The following EYA4 variants were observed in gnomAD, a reference collection of about 807,000 sequenced individuals.
EYA4 encodes the protein EYA transcriptional coactivator and phosphatase 4.
A neutral mutation model predicts 87.9 loss-of-function variants in EYA4; 31 were observed. That is an observed-to-expected ratio of 0.35 (90% CI 0.27 to 0.48). The LOEUF (loss-of-function observed/expected upper bound fraction) is 0.48. EYA4 is among the 20% of genes least tolerant of loss of function. EYA4 has a pLI of 0.99. For synonymous variants in EYA4, 263 were observed against 270.6 expected, an observed-to-expected ratio of 0.97 and a Z score of 0.28; for missense variants, 678 against 761.4, an observed-to-expected ratio of 0.89 and a Z score of 1.29.
chr6:133,332,843 T>C (rs1429822246), intron 2 of EYA4, among the ~76,000 whole-genome samples: 1 of 151,486 alleles, frequency 6.6e-6, no homozygotes, highest in East Asian at 1.9e-4. Flanking sequence ...ATTACAGGCA[T>C]GAACCACCGC....
chr6:133,392,666 T>G (rs1787404108), intron 3 of EYA4, among the ~76,000 whole-genome samples: 1 of 152,210 alleles, frequency 6.6e-6, no homozygotes, highest in South Asian at 2.1e-4. Flanking sequence ...TTCTTTTGAT[T>G]TAAGAACAAA....
intron 2 of EYA4, among the ~76,000 whole-genome samples, chr6:133,284,903 A>G (rs184080409): frequency 1.3e-5 from 2 of 152,302 alleles, no homozygotes; most frequent in Non-Finnish European, 2.9e-5. Flanking sequence ...AATAAGTGCA[A>G]GGAGAAAAAC....
chr6:133,281,333 T>C (rs1276528178), intron 2 of EYA4, among the ~76,000 whole-genome samples: 1 of 152,192 alleles, frequency 6.6e-6, no homozygotes, highest in African/African-American at 2.4e-5. Flanking sequence ...TTTTTTCTTT[T>C]GTCACTTGCG....
chr6:133,523,003 T>C, intron 17 of EYA4, 53 bp from the exon 18 acceptor site: 2 of 1,477,174 alleles, frequency 1.4e-6, no homozygotes, highest in Middle Eastern at 1.7e-4. Context: ...TTAAATCTAT[T>C]AGAAGTTATT....
chr6:133,362,520 G>A (rs1202376655), intron 2 of EYA4, among the ~76,000 whole-genome samples: 1 of 152,130 alleles, frequency 6.6e-6, no homozygotes, highest in Non-Finnish European at 1.5e-5. Flanking sequence ...TAATAATGGG[G>A]CAGTAAATGC....
chr6:133,310,165 A>C (rs1186451364), intron 2 of EYA4, among the ~76,000 whole-genome samples: 3 of 152,208 alleles, frequency 2.0e-5, no homozygotes, highest in Admixed American at 2.0e-4. Flanking sequence ...AATTCCTGCC[A>C]TATAGGATGG....
chr6:133,266,093 T>G (rs1776200671), intron 1 of EYA4, among the ~76,000 whole-genome samples: 1 of 152,202 alleles, frequency 6.6e-6, no homozygotes, highest in African/African-American at 2.4e-5. Flanking sequence ...AAAAGATACT[T>G]TTAAATCCTA....
intron 13 of EYA4, among the ~76,000 whole-genome samples, chr6:133,489,203 CA>C (rs1796932246): frequency 6.6e-6 from 1 of 151,152 alleles, no homozygotes; most frequent in South Asian, 2.1e-4. Context: ...AATACACAGC[CA>C]GGGGAGACAA....
chr6:133,242,958 G>C (rs1190916604), intron 1 of EYA4, among the ~76,000 whole-genome samples: 2 of 152,190 alleles, frequency 1.3e-5, no homozygotes, highest in Non-Finnish European at 2.9e-5. Context: ...AGCGGGCCTA[G>C]AGAGTCATTC....
Position 133,274,768 on chromosome 6 carries a change from G to T in EYA4, c.-13G>T, listed in dbSNP as rs531917929. On this transcript the variant is annotated 5_prime_UTR_variant, in exon 2 of 20. Coordinates refer to ENST00000355286, the MANE Select transcript of EYA4 (RefSeq NM_004100.5). The stretch of plus-strand genomic sequence containing the variant: ...CTTCTACTTGGGAGTGGCAGGAGAA[G>T]TGAGAAAACCACATGGAAGACTCCC... The T allele has an allele frequency of 6.2e-7, 1 of 1,612,642 alleles. No homozygotes were observed. Among genetic ancestry groups the T allele is most frequent in the South Asian group, 1.1e-5 (1 of 91,032 alleles).
At chr6:133,498,881 T>C (rs1797864534) in intron 13 of EYA4, among the ~76,000 whole-genome samples, 1 of 152,242 alleles carries the variant, frequency 6.6e-6, no homozygotes, top group Non-Finnish European at 1.5e-5. Flanking sequence ...TGAGAATTTC[T>C]TTTAAAAATT....
At chr6:133,480,217 A>G (rs978222219) in intron 11 of EYA4, among the ~76,000 whole-genome samples, 1 of 152,172 alleles carries the variant, frequency 6.6e-6, no homozygotes, top group Non-Finnish European at 1.5e-5. Flanking sequence ...GTGATTCTAG[A>G]ACTAGGAGAG....
At chr6:133,253,675 C>G (rs984342410) in intron 1 of EYA4, among the ~76,000 whole-genome samples, 3 of 151,962 alleles carry the variant, frequency 2.0e-5, no homozygotes, top group African/African-American at 7.3e-5. Context: ...TAATAATCTA[C>G]TCATCTTTCA....
intron 2 of EYA4, among the ~76,000 whole-genome samples, chr6:133,332,415 T>A (rs1782033249): frequency 6.6e-6 from 1 of 152,258 alleles, no homozygotes; most frequent in African/African-American, 2.4e-5. Flanking sequence ...ACACCCCTGC[T>A]GTGCCTCCTT....
chr6:133,530,204 C>T lies in EYA4; in HGVS notation c.*1399C>T. The stretch of plus-strand genomic sequence containing the variant: ...GACAACAGTAAAATAATACCTGGTT[C>T]TCCATCTGAATACATCAATGCAGGT... On this transcript the variant is annotated 3_prime_UTR_variant, in exon 20 of 20. Transcript: ENST00000355286. 1.0e-6 allele frequency: 1 copy of T among 985,430 alleles called. No homozygotes were observed. The allele number at this position is 985,430 out of a possible 1,614,324, so 61.0% of individuals were successfully genotyped here.
At chr6:133,371,943 G>A (rs1407310290) in intron 2 of EYA4, among the ~76,000 whole-genome samples, 1 of 152,082 alleles carries the variant, frequency 6.6e-6, no homozygotes, top group Non-Finnish European at 1.5e-5. Context: ...CCTAGAATGA[G>A]ACCTTCACTA....
chr6:133,434,982 T>C (rs1032527779), intron 3 of EYA4: 36 of 152,370 alleles, frequency 2.4e-4, no homozygotes, highest in African/African-American at 8.4e-4. Context: ...TCCTGTGCCA[T>C]TCAAATAATG....
At chr6:133,323,913 G>A (rs1291123178) in intron 2 of EYA4, among the ~76,000 whole-genome samples, 1 of 152,132 alleles carries the variant, frequency 6.6e-6, no homozygotes, top group Non-Finnish European at 1.5e-5. Flanking sequence ...GTGGCATGAT[G>A]TAATATCTGG....
chr6:133,292,767 C>T (rs2128299368), intron 2 of EYA4, among the ~76,000 whole-genome samples: 1 of 152,200 alleles, frequency 6.6e-6, no homozygotes, highest in South Asian at 2.1e-4. Context: ...TATTTATACC[C>T]CCAGAAATTT....
Sources: gnomAD v4.1 joint callset for allele counts (sites outside exome capture counted in the v4.1 genomes callset) on GRCh38, gnomAD v4.1.1 for gene constraint, MANE v1.5 for transcripts, NCBI Gene and HGNC (gene_info 2026-07-23, HGNC 2026-07-21) for gene names.